The following RINT1 variants were observed in gnomAD, a reference collection of about 807,000 sequenced individuals.
The protein encoded by RINT1 is RAD50-interacting protein 1.
Under a neutral mutation model 97.7 loss-of-function variants are expected in RINT1, and 75 were observed. The observed-to-expected ratio is 0.77, with a 90% CI of 0.64 to 0.93. The LOEUF is 0.93. Among genes scored for constraint, RINT1 ranks in the 40% least tolerant of loss-of-function variants. The pLI is 0.00. For synonymous variants in RINT1, 303 were observed against 326.3 expected (o/e 0.93, Z 0.77); for missense variants, 892 against 925.2 (o/e 0.96, Z 0.47).
At chr7:105,566,382 G>C (rs975857950) in intron 14 of RINT1, 2 of 152,140 alleles carry the variant, frequency 1.3e-5, no homozygotes, top group African/African-American at 4.8e-5. Flanking sequence ...TATAGGCCAG[G>C]CATAGTAGCC....
Position 105,565,305 on chromosome 7 carries a change from C to T in RINT1, c.1915C>T (p.Gln639Ter), listed in dbSNP as rs2133475458. 1 of 1,612,238 alleles carries T rather than the reference C, an allele frequency of 6.2e-7. No homozygotes were observed. The highest frequency in any genetic ancestry group is 8.5e-7 in the Non-Finnish European group (1 of 1,178,486). Residue 639 changes from glutamine to a stop codon, truncating the protein, a stop_gained, in exon 13 of 15, where the codon CAG becomes TAG. Transcript: ENST00000257700. LOFTEE classifies it high-confidence loss of function. ...GTTGTCCTTGCCATCTCAGTCAGAG[C>T]AGGCAGTGATGTCCCTGTCCAGTTC... The part of the protein sequence containing the change: ...RWLSLPSQSE[Q>*]AVMSLSSSAC...
At chr7:105,543,555 G>A (rs1790544629) in intron 4 of RINT1, among the ~76,000 whole-genome samples, 1 of 152,060 alleles carries the variant, frequency 6.6e-6, no homozygotes, top group Non-Finnish European at 1.5e-5. Flanking sequence ...TAGATGATAA[G>A]GTCCCCACTA....
At position 105,565,374 on chromosome 7, in the gene RINT1, T is replaced by C. The variant is rs772697416; in HGVS notation, c.1984T>C (p.Leu662=). The part of the protein sequence containing the change: ...LLTLRDHLLQ[L]EQQLCFSLFK... ...GACGTTACGAGACCATTTACTTCAGTTGGAGCAGCAGCTTTGTTTCTCCTT... is the reference window on the plus strand; with the variant it reads ...GACGTTACGAGACCATTTACTTCAGCTGGAGCAGCAGCTTTGTTTCTCCTT... The change falls in exon 13 of 15, where the codon TTG becomes CTG. Residue 662 remains leucine (L), a synonymous_variant. Transcript: ENST00000257700. 8 of 1,614,078 alleles carry C rather than the reference T, an allele frequency of 5.0e-6. No homozygotes were observed. Among genetic ancestry groups the C allele is most frequent in the Non-Finnish European group, 5.9e-6 (7 of 1,180,046 alleles).
chr7:105,548,552 A>C lies in RINT1; in HGVS notation c.840-2A>C. The C allele has an allele frequency of 6.2e-7, 1 of 1,613,988 alleles. No individual in the cohort carries two copies. The highest frequency in any genetic ancestry group is 8.5e-7 in the Non-Finnish European group (1 of 1,179,908). The stretch of plus-strand genomic sequence containing the variant: ...TCTTTTTCCTTGACTTGATTATGTC[A>C]GAGATGAATTACTTACTGAGCCAAA... On this transcript the variant is annotated splice_acceptor_variant, in intron 6 of 14. Transcript: ENST00000257700. LOFTEE classifies it high-confidence loss of function.
intron 3 of RINT1, among the ~76,000 whole-genome samples, chr7:105,537,919 A>G (rs930799169): frequency 8.6e-5 from 13 of 152,044 alleles, no homozygotes. Context: ...TTAAAAACCC[A>G]ATGAGTATAA....
At chr7:105,534,330 A>G (rs1280701123) in intron 2 of RINT1, among the ~76,000 whole-genome samples, 1 of 152,010 alleles carries the variant, frequency 6.6e-6, no homozygotes, top group Non-Finnish European at 1.5e-5. Flanking sequence ...CGGCCTTCCA[A>G]AGTGCTGGGA....
intron 3 of RINT1, among the ~76,000 whole-genome samples, chr7:105,541,400 C>G (rs1790454612): frequency 6.6e-6 from 1 of 151,054 alleles, no homozygotes; most frequent in African/African-American, 2.4e-5. Flanking sequence ...GCCTCCCAAA[C>G]TGCTGGGATT....
chr7:105,567,210 G>A lies in RINT1; in HGVS notation c.2278G>A (p.Ala760Thr). 1 of 1,613,312 alleles carries A rather than the reference G, an allele frequency of 6.2e-7. No individual in the cohort carries two copies. The highest frequency in any genetic ancestry group is 8.5e-7 in the Non-Finnish European group (1 of 1,179,754). ...GCAGTCAGCTTCAGGGCAGCTTCCTGCCACAGCAGCATTAAATGAAGTTGG... is the reference window on the plus strand; with the variant it reads ...GCAGTCAGCTTCAGGGCAGCTTCCTACCACAGCAGCATTAAATGAAGTTGG... ...VLQSASGQLP[A>T]TAALNEVGIY... Residue 760 changes from alanine to threonine, a missense_variant, in exon 15 of 15, where the codon GCC becomes ACC. By Grantham distance (58) the Ala-to-Thr change is moderately conservative (BLOSUM62 0). Coordinates refer to ENST00000257700, the MANE Select transcript of RINT1 (RefSeq NM_021930.6).
chr7:105,547,114 T>A (rs1790700306), intron 5 of RINT1, 31 bp downstream of exon 5: 2 of 1,612,912 alleles, frequency 1.2e-6, no homozygotes, highest in Non-Finnish European at 1.7e-6. Flanking sequence ...TTGTGGTAAT[T>A]GCTTTCCGAT....
intron 11 of RINT1, 102 bp downstream of exon 11, chr7:105,555,329 C>T: frequency 1.1e-5 from 10 of 890,210 alleles, no homozygotes; most frequent in South Asian, 1.9e-5. Context: ...AATAAACATG[C>T]TAGACAGAAC....
In RINT1 at chr7:105,550,332, T is replaced by C. The variant is rs1448649444; in HGVS notation, c.1179T>C (p.Tyr393=). The stretch of plus-strand genomic sequence containing the variant: ...CCACTGATATTCCTTGTCTGCTATA[T>C]GATGACAATCTCTTCTGTCATTTGG... ...KLATDIPCLL[Y]DDNLFCHLVD... Residue 393 remains tyrosine, a synonymous_variant, in exon 9 of 15, where the codon TAT becomes TAC. Coordinates refer to ENST00000257700, the MANE Select transcript of RINT1 (RefSeq NM_021930.6). 1 of 1,613,982 alleles carries C rather than the reference T, an allele frequency of 6.2e-7. No individual in the cohort carries two copies. The highest frequency in any genetic ancestry group is 1.3e-5 in the African/African-American group (1 of 74,952).
chr7:105,562,724 C>A (rs1161057875), intron 11 of RINT1, among the ~76,000 whole-genome samples: 1 of 151,914 alleles, frequency 6.6e-6, no homozygotes, highest in Admixed American at 6.6e-5. Flanking sequence ...TGGTGAAACA[C>A]CATCTCTACG....
intron 14 of RINT1, chr7:105,566,313 T>G (rs969254927): frequency 2.6e-5 from 4 of 152,146 alleles, no homozygotes; most frequent in Non-Finnish European, 5.9e-5. Context: ...CCTTAAACAT[T>G]TGACATTAAT....
chr7:105,548,998 T>G (rs953638825), intron 7 of RINT1, among the ~76,000 whole-genome samples: 2 of 151,996 alleles, frequency 1.3e-5, no homozygotes, highest in Non-Finnish European at 2.9e-5. Context: ...TTCTTTTTTT[T>G]TTTTTGTGAG....
intron 3 of RINT1, chr7:105,541,997 G>A (rs78347628): frequency 0.022 from 3,357 of 155,016 alleles, 44 homozygotes; most frequent in Non-Finnish European, 0.034. Flanking sequence ...ATATAAAACA[G>A]CATGTTATGT....
At position 105,567,646 on chromosome 7, in the gene RINT1, C is replaced by A; in HGVS notation, c.*335C>A. On this transcript the variant is annotated 3_prime_UTR_variant, in exon 15 of 15. Transcript: ENST00000257700. ...TAAGGGAAATTCTGTTGTGGATAAT[C>A]AAACATAGCCAATAAATTTTTTTAA... The A allele has an allele frequency of 1.9e-6, 1 of 529,486 alleles. No individual in the cohort carries two copies. The highest frequency in any genetic ancestry group is 3.3e-6 in the Non-Finnish European group (1 of 301,830). 32.8% of individuals were successfully genotyped at this position (529,486 alleles called of 1,614,324 possible).
intron 11 of RINT1, among the ~76,000 whole-genome samples, chr7:105,558,752 G>A (rs867702728): frequency 4.0e-5 from 6 of 151,736 alleles, no homozygotes; most frequent in Admixed American, 1.3e-4. Context: ...TTGAGCTCAG[G>A]AGTTGGAGAC....
intron 11 of RINT1, among the ~76,000 whole-genome samples, chr7:105,557,561 A>T (rs1016167570): frequency 1.3e-5 from 2 of 152,190 alleles, no homozygotes; most frequent in Admixed American, 6.5e-5. Flanking sequence ...GAAAGCATTA[A>T]ATTTTAAATT....
intron 10 of RINT1, 136 bp from the exon 11 acceptor site, chr7:105,554,892 T>C: frequency 1.5e-6 from 1 of 662,120 alleles, no homozygotes; most frequent in Non-Finnish European, 2.6e-6. Flanking sequence ...TTAAGAGAGC[T>C]CAGAAATAAA....
Sources: gnomAD v4.1 joint callset for allele counts (sites outside exome capture counted in the v4.1 genomes callset) on GRCh38, gnomAD v4.1.1 for gene constraint, MANE v1.5 for transcripts, NCBI Gene and HGNC (gene_info 2026-07-23, HGNC 2026-07-21) for gene names.